Variants in DYNC1I2 observed in about 807,000 individuals in gnomAD.
The protein encoded by DYNC1I2 is cytoplasmic dynein 1 intermediate chain 2.
In DYNC1I2, 53 loss-of-function variants were observed where a neutral mutation model predicts 88.6. The ratio of observed to expected loss-of-function variants is 0.60; its 90% confidence interval spans 0.48 to 0.75. DYNC1I2 has a LOEUF of 0.75. DYNC1I2 is among the 30% of genes least tolerant of loss of function. DYNC1I2 has a pLI of 0.00. For missense variants in DYNC1I2, 458 were observed against 766.6 expected, an observed-to-expected ratio of 0.60 and a Z score of 4.75; for synonymous variants, 198 against 254.6, an observed-to-expected ratio of 0.78 and a Z score of 2.12.
At chr2:171,721,366 T>G (rs1262417400) in intron 7 of DYNC1I2, among the ~76,000 whole-genome samples, 1 of 152,140 alleles carries the variant, frequency 6.6e-6, no homozygotes, top group African/African-American at 2.4e-5. Flanking sequence ...TGGATTCCAT[T>G]GATAGATTCA....
At chr2:171,711,254 C>T (rs1352769998) in intron 5 of DYNC1I2, among the ~76,000 whole-genome samples, 2 of 152,114 alleles carry the variant, frequency 1.3e-5, no homozygotes, top group Admixed American at 6.5e-5. Flanking sequence ...CTGCCCACCT[C>T]GGCCTCCCAA....
chr2:171,703,514 C>T (rs1214812700), intron 3 of DYNC1I2, among the ~76,000 whole-genome samples: 1 of 152,186 alleles, frequency 6.6e-6, no homozygotes, highest in East Asian at 1.9e-4. Flanking sequence ...AGGCATGACA[C>T]ATCACACCCG....
rs536860375 is a variant in DYNC1I2, at chr2:171,739,690, A to G, written c.1537-4359A>G. ...GGAGGGCCATCCATTTGCGATTGAC[A>G]TATCTCTTTTTTTTTTTTTTTTTTT... is the stretch of plus-strand genomic sequence containing the variant. On this transcript the variant is annotated intron_variant, in intron 15 of 17. Transcript: ENST00000397119. 2.8e-5 allele frequency among the ~76,000 whole-genome samples: 4 copies of G among 140,490 alleles called. No homozygotes were observed. The South Asian group carries it at 6.6e-4, about 23-fold the overall frequency. 92.2% of individuals were successfully genotyped at this position (140,490 alleles called of 152,430 possible).
At chr2:171,691,530 A>G (rs558322087) in intron 2 of DYNC1I2, among the ~76,000 whole-genome samples, 4 of 152,346 alleles carry the variant, frequency 2.6e-5, no homozygotes, top group South Asian at 2.1e-4. Flanking sequence ...GTGCAGCATT[A>G]CTATGATGCT....
In DYNC1I2 at chr2:171,747,810, G is replaced by A. The variant is rs377757372; in HGVS notation, c.1838G>A (p.Arg613Gln). Reference protein sequence around the residue: ...IAVPRNDEWARFGRTLAEINA... With the variant: ...IAVPRNDEWAQFGRTLAEINA... ...GTTCCCCGCAATGATGAATGGGCAC[G>A]GTTTGGCCGAACACTTGCAGAAATT... Residue 613 changes from arginine to glutamine, a missense_variant, in exon 18 of 18, where the codon CGG becomes CAG. Coordinates refer to ENST00000397119, the MANE Select transcript of DYNC1I2 (RefSeq NM_001378.3). 29 of 1,610,968 alleles carry A rather than the reference G, an allele frequency of 1.8e-5. No homozygotes were observed. The highest frequency in any genetic ancestry group is 2.2e-4 in the Middle Eastern group (1 of 4,628).
At position 171,729,725 on chromosome 2, in the gene DYNC1I2, G is replaced by C; in HGVS notation, c.1408G>C (p.Glu470Gln). The change falls in exon 15 of 18, where the codon GAG (glutamate) becomes CAG (glutamine). Residue 470 changes from glutamate to glutamine, a missense_variant. By Grantham distance (29) the Glu-to-Gln change is conservative. Around this residue, in one of 5 missense-constraint regions of DYNC1I2, gnomAD observed 188 missense variants for 300.4 expected, o/e 0.63. Transcript: ENST00000397119. Reference sequence around the variant, plus strand: ...TGAAATTAGCAAAGCTGGAATCAGTGAGATGTTTGAGGGGCATCAAGGACC... The same window carrying C: ...TGAAATTAGCAAAGCTGGAATCAGTCAGATGTTTGAGGGGCATCAAGGACC... ...CRHGSKAGISEMFEGHQGPIT... is the reference protein window; with the variant it reads ...CRHGSKAGISQMFEGHQGPIT... 6.2e-7 allele frequency: 1 copy of C among 1,612,608 alleles called. No individual in the cohort carries two copies. Among genetic ancestry groups the C allele is most frequent in the Non-Finnish European group, 8.5e-7 (1 of 1,179,710 alleles).
chr2:171,732,823 T>C (rs1688715074), intron 15 of DYNC1I2, among the ~76,000 whole-genome samples: 1 of 152,246 alleles, frequency 6.6e-6, no homozygotes, highest in African/African-American at 2.4e-5. Flanking sequence ...TGTTAGATTG[T>C]TGGCCAACTT....
intron 2 of DYNC1I2, among the ~76,000 whole-genome samples, chr2:171,692,369 T>G (rs984078283): frequency 5.3e-5 from 8 of 152,198 alleles, no homozygotes; most frequent in African/African-American, 1.9e-4. Context: ...ATTTGTTACC[T>G]CTTAAATAAT....
Position 171,738,751 on chromosome 2 carries a change from T to C in DYNC1I2, c.1537-5298T>C, listed in dbSNP as rs1559405827. On this transcript the variant is annotated intron_variant, in intron 15 of 17. Coordinates refer to ENST00000397119, the MANE Select transcript of DYNC1I2 (RefSeq NM_001378.3). Reference sequence around the variant, plus strand: ...AATCATTGGTGTGCATCAGAATCACTAGTGGAGCAACAGCAGAGATACCGA... The same window carrying C: ...AATCATTGGTGTGCATCAGAATCACCAGTGGAGCAACAGCAGAGATACCGA... 2.0e-5 allele frequency among the ~76,000 whole-genome samples: 3 copies of C among 152,322 alleles called. No homozygotes were observed. The East Asian group carries it at 5.8e-4, about 29-fold the overall frequency.
chr2:171,708,819 A>G (rs552081083), intron 5 of DYNC1I2, among the ~76,000 whole-genome samples: 1 of 152,110 alleles, frequency 6.6e-6, no homozygotes, highest in Admixed American at 6.5e-5. Context: ...CAGCCTCCCG[A>G]GTAGCTGGGA....
chr2:171,710,818 T>A (rs1411053819), intron 5 of DYNC1I2, among the ~76,000 whole-genome samples: 2 of 151,480 alleles, frequency 1.3e-5, no homozygotes, highest in African/African-American at 4.9e-5. Context: ...CTCTCCTGCC[T>A]CAGTCTCCCC....
At chr2:171,703,416 C>CA (rs2105519101) in intron 3 of DYNC1I2, among the ~76,000 whole-genome samples, 1 of 151,954 alleles carries the variant, frequency 6.6e-6, no homozygotes, top group South Asian at 2.1e-4. Context: ...TTTGTAGAGA[C>CA]AGAGTCTTGT....
intron 2 of DYNC1I2, among the ~76,000 whole-genome samples, chr2:171,692,448 T>TA (rs11451330): frequency 0.014 from 2,067 of 152,292 alleles, 44 homozygotes; most frequent in African/African-American, 0.047. Context: ...GGAAGTTGTC[T>TA]ATTATTCCTG....
intron 1 of DYNC1I2, among the ~76,000 whole-genome samples, chr2:171,689,668 A>G (rs1231282940): frequency 6.6e-6 from 1 of 151,842 alleles, no homozygotes; most frequent in Non-Finnish European, 1.5e-5. Context: ...ATATTTGTTT[A>G]TACATTTTTT....
chr2:171,745,903 G>C lies in DYNC1I2; in HGVS notation c.1779G>C (p.Gln593His), dbSNP rs202140977. The change falls in exon 17 of 18, where the codon CAG (glutamine) becomes CAC (histidine). Residue 593 changes from glutamine to histidine, a missense_variant. By Grantham distance (24) the Gln-to-His change is conservative. Coordinates refer to ENST00000397119, the MANE Select transcript of DYNC1I2 (RefSeq NM_001378.3). Reference sequence around the variant, plus strand: ...TTGCTGTGGGTGATTCTGAAGGACAGATTGTTATATACGATGTGGGAGAGG... The same window carrying C: ...TTGCTGTGGGTGATTCTGAAGGACACATTGTTATATACGATGTGGGAGAGG... Reference protein sequence around the residue: ...REIAVGDSEGQIVIYDVGEQI... With the variant: ...REIAVGDSEGHIVIYDVGEQI... The C allele has an allele frequency of 3.7e-5, 60 of 1,613,740 alleles. No homozygotes were observed. Among genetic ancestry groups the C allele is most frequent in the Non-Finnish European group, 1.5e-5 (18 of 1,179,798 alleles).
chr2:171,725,918 G>A lies in DYNC1I2; in HGVS notation c.608-1G>A. 1 of 1,563,924 alleles carries A rather than the reference G, an allele frequency of 6.4e-7. No individual in the cohort carries two copies. Among genetic ancestry groups the A allele is most frequent in the Non-Finnish European group, 8.6e-7 (1 of 1,164,520 alleles). ...ACTTCAAAAAATTATTTATTTTCCA[G>A]CTCCCCCTCATGAGCTGACTGAAGA... On this transcript the variant is annotated splice_acceptor_variant, in intron 8 of 17. Transcript: ENST00000397119. LOFTEE classifies it high-confidence loss of function.
At chr2:171,710,345 G>C (rs990845561) in intron 5 of DYNC1I2, among the ~76,000 whole-genome samples, 1 of 152,142 alleles carries the variant, frequency 6.6e-6, no homozygotes. Flanking sequence ...CGATGTTAAT[G>C]TAAGAATAAA....
intron 2 of DYNC1I2, 67 bp from the exon 3 acceptor site, chr2:171,692,710 A>T: frequency 8.9e-7 from 1 of 1,129,238 alleles, no homozygotes; most frequent in Non-Finnish European, 1.3e-6. Context: ...CATATTATTT[A>T]AAACATTTTT....
chr2:171,729,106 A>AC (rs1688438926), intron 14 of DYNC1I2, among the ~76,000 whole-genome samples: 1 of 152,150 alleles, frequency 6.6e-6, no homozygotes, highest in Admixed American at 6.6e-5. Flanking sequence ...ATAGGCAGGA[A>AC]CATTCAGTAG....
Sources: allele counts gnomAD v4.1 joint callset (sites outside exome capture counted in the v4.1 genomes callset), GRCh38; gene constraint gnomAD v4.1.1; regional missense constraint gnomAD v4.1.1; transcripts MANE v1.5; gene names NCBI Gene and HGNC (gene_info 2026-07-23, HGNC 2026-07-21).